Variants in ELOVL5 observed in about 807,000 individuals in gnomAD.
ELOVL5 encodes the protein ELOVL fatty acid elongase 5.
ELOVL5 carries 8 observed loss-of-function variants against 38.6 expected under a neutral mutation model. The observed-to-expected ratio is 0.21, with a 90% confidence interval of 0.12 to 0.37. The LOEUF (loss-of-function observed/expected upper bound fraction) is 0.37, where lower values mean the gene tolerates loss of function less well. Ranked by LOEUF, ELOVL5 falls within the 10% of genes least tolerant of loss-of-function variation. The probability of loss-of-function intolerance (pLI) is 1.00; values close to 1 mark genes in which losing one functional copy is unlikely to be tolerated. For synonymous variants in ELOVL5, 127 were observed against 133.7 expected (o/e 0.95, Z 0.34); for missense variants, 280 against 367.8 (o/e 0.76, Z 1.95).
intron 1 of ELOVL5, among the ~76,000 whole-genome samples, chr6:53,318,763 CAAA>C (rs1207122966): frequency 6.6e-6 from 1 of 151,878 alleles, no homozygotes; most frequent in Non-Finnish European, 1.5e-5. Context: ...TAAAATAAAA[CAAA>C]AAAGCACATA....
intron 3 of ELOVL5, among the ~76,000 whole-genome samples, chr6:53,278,935 C>T (rs918002497): frequency 4.6e-5 from 7 of 152,220 alleles, no homozygotes; most frequent in African/African-American, 1.7e-4. Flanking sequence ...TCTTCCACAA[C>T]GTGGTCCCAA....
chr6:53,317,996 G>A (rs1392013870), intron 1 of ELOVL5, among the ~76,000 whole-genome samples: 1 of 151,972 alleles, frequency 6.6e-6, no homozygotes, highest in East Asian at 1.9e-4. Context: ...TCTTTCTGCT[G>A]TATATTTACA....
At chr6:53,328,439 C>T (rs898908165) in intron 1 of ELOVL5, among the ~76,000 whole-genome samples, 1 of 152,098 alleles carries the variant, frequency 6.6e-6, no homozygotes, top group Admixed American at 6.5e-5. Context: ...CAAGAGGAGG[C>T]TAATGCTCTA....
chr6:53,319,956 C>T (rs952342205), intron 1 of ELOVL5, among the ~76,000 whole-genome samples: 1 of 152,110 alleles, frequency 6.6e-6, no homozygotes, highest in Admixed American at 6.5e-5. Context: ...GGTTTTAATC[C>T]TATGTATCTA....
chr6:53,318,240 A>G (rs1364071346), intron 1 of ELOVL5, among the ~76,000 whole-genome samples: 1 of 152,254 alleles, frequency 6.6e-6, no homozygotes, highest in Non-Finnish European at 1.5e-5. Context: ...CTCATTTTGA[A>G]GTAAAAACAA....
chr6:53,326,633 G>C (rs1025534955), intron 1 of ELOVL5, among the ~76,000 whole-genome samples: 3 of 152,236 alleles, frequency 2.0e-5, no homozygotes, highest in Non-Finnish European at 4.4e-5. Context: ...ACTAGGTTAG[G>C]TCCCTCTCTG....
intron 1 of ELOVL5, among the ~76,000 whole-genome samples, chr6:53,312,567 T>C (rs565544003): frequency 7.9e-5 from 12 of 152,332 alleles, no homozygotes; most frequent in Middle Eastern, 3.4e-3. Flanking sequence ...CATGTGCTGA[T>C]AGCAATGTTG....
At chr6:53,271,720 A>G (rs754655316) in intron 6 of ELOVL5, among the ~76,000 whole-genome samples, 1 of 152,184 alleles carries the variant, frequency 6.6e-6, no homozygotes, top group Non-Finnish European at 1.5e-5. Context: ...CAGCCTCCCG[A>G]GTGACCGGGA....
At chr6:53,324,791 G>A (rs559905912) in intron 1 of ELOVL5, among the ~76,000 whole-genome samples, 1 of 151,900 alleles carries the variant, frequency 6.6e-6, no homozygotes, top group South Asian at 2.1e-4. Context: ...GCAGAGGAAT[G>A]GGCTATCATA....
chr6:53,304,582 A>G (rs1009549584), intron 1 of ELOVL5, among the ~76,000 whole-genome samples: 2 of 152,206 alleles, frequency 1.3e-5, no homozygotes, highest in African/African-American at 4.8e-5. Flanking sequence ...TCCTAGGCAG[A>G]GTGTTTGTGT....
chr6:53,318,513 A>G (rs1163488941), intron 1 of ELOVL5, among the ~76,000 whole-genome samples: 1 of 152,194 alleles, frequency 6.6e-6, no homozygotes, highest in African/African-American at 2.4e-5. Context: ...ACCTTTTTCT[A>G]TGCTTTAAAA....
rs932877046 is a variant in ELOVL5 at position 53,348,920 on chromosome 6, C to G, written c.-112G>C. 17 of 447,162 alleles carry G rather than the reference C, an allele frequency of 3.8e-5. No individual in the cohort carries two copies. In the Admixed American group the frequency reaches 3.9e-4, roughly 10 times the overall value. The allele number at this position is 447,162 out of a possible 1,614,324, so 27.7% of individuals were successfully genotyped here. On this transcript the variant is annotated 5_prime_UTR_variant, in exon 1 of 8. Transcript: ENST00000304434. ...GCAGAGGCGGATGTAGAAGGAGACA[C>G]CGGTGGCTAGGACCCGCGCGATGGG...
At chr6:53,294,291 G>C in intron 2 of ELOVL5, 1 of 1,565,840 alleles carries the variant, frequency 6.4e-7, no homozygotes, top group Non-Finnish European at 8.7e-7. Context: ...GTTCAGGCAG[G>C]GGCATGTGAA....
intron 1 of ELOVL5, among the ~76,000 whole-genome samples, chr6:53,301,779 C>T (rs915200869): frequency 6.6e-6 from 1 of 152,168 alleles, no homozygotes; most frequent in Non-Finnish European, 1.5e-5. Context: ...AAAAGACACT[C>T]CTAATTTAAA....
intron 1 of ELOVL5, among the ~76,000 whole-genome samples, chr6:53,334,098 T>C (rs531467918): frequency 6.6e-6 from 1 of 152,316 alleles, no homozygotes; most frequent in Admixed American, 6.5e-5. Flanking sequence ...AAAAAACTTC[T>C]GAAACCAAAA....
At chr6:53,336,839 G>A (rs1032008503) in intron 1 of ELOVL5, 1 of 152,260 alleles carries the variant, frequency 6.6e-6, no homozygotes, top group South Asian at 2.1e-4. Context: ...TGTCATCTCT[G>A]CTTCTAGGGC....
At chr6:53,317,791 T>A (rs2127585540) in intron 1 of ELOVL5, among the ~76,000 whole-genome samples, 2 of 138,576 alleles carry the variant, frequency 1.4e-5, no homozygotes, top group East Asian at 4.2e-4. Flanking sequence ...ACTTAAAGTA[T>A]AATAATAATA....
chr6:53,334,259 C>A (rs1042926261), intron 1 of ELOVL5, among the ~76,000 whole-genome samples: 1 of 152,066 alleles, frequency 6.6e-6, no homozygotes, highest in Non-Finnish European at 1.5e-5. Context: ...CTCCCAAACT[C>A]AGTTGGAGAA....
chr6:53,284,005 TAA>T (rs569206590), intron 3 of ELOVL5, among the ~76,000 whole-genome samples: 7 of 140,808 alleles, frequency 5.0e-5, no homozygotes, highest in Non-Finnish European at 4.7e-5. Flanking sequence ...TTTAGGACCT[TAA>T]AAAAAAAAAA....
Sources: gnomAD v4.1 joint callset for allele counts (sites outside exome capture counted in the v4.1 genomes callset) on GRCh38, gnomAD v4.1.1 for gene constraint, MANE v1.5 for transcripts, NCBI Gene and HGNC (gene_info 2026-07-23, HGNC 2026-07-21) for gene names.